Variants in PDE8A observed in about 807,000 individuals in gnomAD.
The protein encoded by PDE8A is phosphodiesterase 8A, also known as high affinity cAMP-specific and IBMX-insensitive 3',5'-cyclic phosphodiesterase 8A.
A neutral mutation model predicts 105.0 loss-of-function variants in PDE8A; 59 were observed. The observed-to-expected ratio is 0.56, with a 90% CI of 0.46 to 0.70. PDE8A has a LOEUF of 0.70. Among genes scored for constraint, PDE8A ranks in the 30% least tolerant of loss-of-function variants. The pLI, the probability that PDE8A is intolerant of heterozygous loss-of-function variation, is 0.00. For synonymous variants in PDE8A, 355 were observed against 371.9 expected (o/e 0.95, Z 0.52); for missense variants, 1,014 against 1,045.9 (o/e 0.97, Z 0.42).
chr15:85,103,289 G>A (rs1357806685), intron 11 of PDE8A, among the ~76,000 whole-genome samples: 2 of 152,214 alleles, frequency 1.3e-5, no homozygotes, highest in Non-Finnish European at 2.9e-5. Context: ...GGACTGAGAG[G>A]CAGAGTCAGT....
At chr15:85,035,197 CTTTTTTTTTTTTT>C (rs35548176) in intron 1 of PDE8A, among the ~76,000 whole-genome samples, 3 of 57,786 alleles carry the variant, frequency 5.2e-5, no homozygotes, top group African/African-American at 2.3e-4. Flanking sequence ...TGGGTATTTC[CTTTTTTTTTTTTT>C]TTTTTTTTTT....
rs144542878 is a variant in PDE8A at position 85,061,242 on chromosome 15, T to A, written c.187-3128T>A. The stretch of plus-strand genomic sequence containing the variant: ...TTATTTTTCTTCTTTTTTATTTATT[T>A]ATTTTTTTTGAGATGGCATCTTGCT... On this transcript the variant is annotated intron_variant, in intron 1 of 21. Coordinates refer to ENST00000394553, the MANE Select transcript of PDE8A (RefSeq NM_002605.3). 1.4e-3 allele frequency among the ~76,000 whole-genome samples: 218 copies of A among 152,164 alleles called. 4 individuals carry two copies. Among genetic ancestry groups the A allele is most frequent in the Admixed American group, 0.013 (200 of 15,282 alleles).
intron 8 of PDE8A, among the ~76,000 whole-genome samples, chr15:85,096,263 T>C (rs1317375371): frequency 3.9e-5 from 6 of 152,114 alleles, no homozygotes; most frequent in Non-Finnish European, 7.4e-5. Flanking sequence ...TTTATTGAGA[T>C]GTAATTTCTA....
intron 1 of PDE8A, chr15:85,063,431 TC>T (rs1421025736): frequency 1.3e-5 from 2 of 152,188 alleles, no homozygotes; most frequent in African/African-American, 2.4e-5. Context: ...ATGTGTCTCT[TC>T]CCCTGGGTAG....
chr15:85,053,484 T>C (rs2081008769), intron 1 of PDE8A, among the ~76,000 whole-genome samples: 1 of 152,242 alleles, frequency 6.6e-6, no homozygotes, highest in African/African-American at 2.4e-5. Context: ...GTTTGTGTCC[T>C]CTTTTATTTT....
At chr15:85,099,989 A>G in intron 9 of PDE8A, 26 bp from the exon 10 acceptor site, 1 of 1,579,264 alleles carries the variant, frequency 6.3e-7, no homozygotes, top group Admixed American at 1.8e-5. Flanking sequence ...TCAGAAGAGA[A>G]ATAATGCATT....
chr15:85,104,041 AC>A (rs1166048799), intron 11 of PDE8A, among the ~76,000 whole-genome samples: 15 of 152,194 alleles, frequency 9.9e-5, no homozygotes, highest in Non-Finnish European at 1.6e-4. Flanking sequence ...AAATCCCAAT[AC>A]ATGCTCCCTT....
chr15:85,116,091 T>G lies in PDE8A; in HGVS notation c.1507T>G (p.Phe503Val), dbSNP rs1233403304. The G allele has an allele frequency of 6.2e-7, 1 of 1,614,108 alleles. No individual in the cohort carries two copies. The highest frequency in any genetic ancestry group is 1.7e-5 in the Admixed American group (1 of 60,024). The change falls in exon 16 of 22, where the codon TTT (phenylalanine) becomes GTT (valine). Residue 503 changes from phenylalanine (F) to valine (V), a missense_variant. Coordinates refer to ENST00000394553, the MANE Select transcript of PDE8A (RefSeq NM_002605.3). The stretch of plus-strand genomic sequence containing the variant: ...TGAGGAATACTGGGACTTTGATATT[T>G]TTGAACTGGAGGCTGCCACCCACAA... ...ENEEYWDFDI[F>V]ELEAATHNRP...
chr15:85,106,591 G>T (rs758436742), intron 11 of PDE8A, among the ~76,000 whole-genome samples: 2 of 152,202 alleles, frequency 1.3e-5, no homozygotes, highest in Admixed American at 1.3e-4. Context: ...CACATTTCCA[G>T]CTCCATGTGG....
intron 1 of PDE8A, among the ~76,000 whole-genome samples, chr15:85,004,902 A>G (rs1022362997): frequency 4.7e-5 from 7 of 148,148 alleles, no homozygotes; most frequent in Non-Finnish European, 3.0e-5. Context: ...TGAATGATAC[A>G]TAGTTTCTTT....
intron 6 of PDE8A, among the ~76,000 whole-genome samples, chr15:85,085,161 A>T (rs112432748): frequency 6.6e-6 from 1 of 152,166 alleles, no homozygotes; most frequent in Non-Finnish European, 1.5e-5. Flanking sequence ...AAGGGTCTCC[A>T]TGGTCTGTAC....
rs1355054557 is a variant in PDE8A, at chr15:85,109,098, A to T, written c.1082A>T (p.Asp361Val). 1 of 1,612,184 alleles carries T rather than the reference A, an allele frequency of 6.2e-7. No individual in the cohort carries two copies. Among genetic ancestry groups the T allele is most frequent in the Admixed American group, 1.7e-5 (1 of 59,962 alleles). ...KHKDRRKGSL[D>V]VKAVASRATE... ...AAAGACAGGAGAAAAGGCTCACTAGACGTCAAAGCTGTTGCCTCCCGTGCA... is the reference window on the plus strand; with the variant it reads ...AAAGACAGGAGAAAAGGCTCACTAGTCGTCAAAGCTGTTGCCTCCCGTGCA... Residue 361 changes from aspartate (D) to valine (V), a missense_variant, in exon 12 of 22, where the codon GAC (aspartate) becomes GTC (valine). Coordinates refer to ENST00000394553, the MANE Select transcript of PDE8A (RefSeq NM_002605.3).
chr15:85,077,099 A>C (rs1196199109), intron 5 of PDE8A, among the ~76,000 whole-genome samples: 3 of 152,222 alleles, frequency 2.0e-5, no homozygotes, highest in Non-Finnish European at 2.9e-5. Context: ...ATAATAGTTC[A>C]TAGTCTCTCA....
intron 3 of PDE8A, among the ~76,000 whole-genome samples, chr15:85,070,069 C>G (rs1370075874): frequency 1.3e-5 from 2 of 152,206 alleles, no homozygotes; most frequent in Non-Finnish European, 2.9e-5. Context: ...TGCCCTGTCT[C>G]TGAGCTGACT....
chr15:85,007,564 T>G (rs980882191), intron 1 of PDE8A, among the ~76,000 whole-genome samples: 4 of 151,978 alleles, frequency 2.6e-5, no homozygotes, highest in Non-Finnish European at 5.9e-5. Context: ...AGAGAGCACA[T>G]ACTTCGGTGC....
In PDE8A at chr15:85,117,722, A is replaced by T; in HGVS notation, c.1617A>T (p.Arg539Ser). ...EFLHCSESTLRSWLQIIEANY... is the reference protein window; with the variant it reads ...EFLHCSESTLSSWLQIIEANY... The stretch of plus-strand genomic sequence containing the variant: ...TACACTGCTCCGAGTCAACGCTAAG[A>T]TCATGGTTACAAATTATCGAAGCCA... Residue 539 changes from arginine to serine, a missense_variant, in exon 17 of 22, where the codon AGA becomes AGT. Coordinates refer to ENST00000394553, the MANE Select transcript of PDE8A (RefSeq NM_002605.3). 1.2e-6 allele frequency: 2 copies of T among 1,614,018 alleles called. No homozygotes were observed. The highest frequency in any genetic ancestry group is 1.7e-6 in the Non-Finnish European group (2 of 1,179,894).
intron 1 of PDE8A, among the ~76,000 whole-genome samples, chr15:85,014,707 C>T (rs768142371): frequency 2.0e-5 from 3 of 152,138 alleles, no homozygotes; most frequent in African/African-American, 2.4e-5. Flanking sequence ...TTGCTTTTCT[C>T]GCTTCACAGC....
At chr15:85,088,220 TCACCACG>T (rs1410748388) in intron 6 of PDE8A, among the ~76,000 whole-genome samples, 1 of 152,208 alleles carries the variant, frequency 6.6e-6, no homozygotes, top group Non-Finnish European at 1.5e-5. Flanking sequence ...AGACGGGGTT[TCACCACG>T]TTGGCCAGGC....
intron 5 of PDE8A, among the ~76,000 whole-genome samples, chr15:85,078,566 A>AG (rs2081416193): frequency 6.7e-6 from 1 of 150,076 alleles, no homozygotes; most frequent in African/African-American, 2.5e-5. Context: ...AAAAAAAAAA[A>AG]AAAAGAAAGA....
Sources: gnomAD v4.1 joint callset for allele counts (sites outside exome capture counted in the v4.1 genomes callset) on GRCh38, gnomAD v4.1.1 for gene constraint, MANE v1.5 for transcripts, NCBI Gene and HGNC (gene_info 2026-07-23, HGNC 2026-07-21) for gene names.